SCNN1A: variants seen among roughly 807,000 people sequenced by gnomAD.
SCNN1A encodes the protein epithelial sodium channel subunit alpha.
SCNN1A carries 65 observed loss-of-function variants against 68.6 expected under a neutral mutation model. That is an observed-to-expected ratio of 0.95 (90% CI 0.78 to 1.16). The LOEUF (loss-of-function observed/expected upper bound fraction) is 1.16, where lower values mean the gene tolerates loss of function less well. SCNN1A is among the 50% of genes most tolerant of loss of function. SCNN1A has a pLI of 0.00. For missense variants in SCNN1A, 880 were observed against 865.9 expected, an observed-to-expected ratio of 1.02 and a Z score of -0.20; for synonymous variants, 357 against 353.3, an observed-to-expected ratio of 1.01 and a Z score of -0.12.
intron 5 of SCNN1A, 79 bp downstream of exon 5, chr12:6,355,698 T>C (rs918075384): frequency 5.1e-5 from 54 of 1,049,796 alleles, no homozygotes; most frequent in Non-Finnish European, 7.5e-5. Context: ...TCCCAGCAGC[T>C]CTAGGAGGTG....
rs371971622 is a variant in SCNN1A, at chr12:6,355,392, G to A, written c.1023C>T (p.Pro341=). ...MLRAEQNDFI[P]LLSTVTGARV... The stretch of plus-strand genomic sequence containing the variant: ...GGGCCCCAGTCACTGTGGACAGCAG[G>A]GGAATGAAGTCATTCTGCTCTGCGC... The change falls in exon 6 of 13, where the codon CCC becomes CCT. Residue 341 remains proline (P), a synonymous_variant. Coordinates refer to ENST00000228916, the MANE Select transcript of SCNN1A (RefSeq NM_001038.6). 2 of 1,613,932 alleles carry A rather than the reference G, an allele frequency of 1.2e-6. No homozygotes were observed. Among genetic ancestry groups the A allele is most frequent in the Admixed American group, 3.3e-5 (2 of 59,978 alleles).
intron 2 of SCNN1A, among the ~76,000 whole-genome samples, chr12:6,373,140 T>C (rs976472641): frequency 6.6e-6 from 1 of 151,804 alleles, no homozygotes; most frequent in African/African-American, 2.4e-5. Context: ...CTTTTTTTTT[T>C]CTCTCTCTCT....
intron 3 of SCNN1A, among the ~76,000 whole-genome samples, chr12:6,363,133 T>C (rs1948608310): frequency 7.2e-6 from 1 of 139,296 alleles, no homozygotes; most frequent in Middle Eastern, 3.9e-3. Context: ...CCAGAAACAG[T>C]AAAACAATAA....
chr12:6,363,144 T>C (rs1427645270), intron 3 of SCNN1A, among the ~76,000 whole-genome samples: 1 of 150,022 alleles, frequency 6.7e-6, no homozygotes, highest in Non-Finnish European at 1.5e-5. Context: ...AAAACAATAA[T>C]AATAATAATA....
At position 6,348,719 on chromosome 12, in the gene SCNN1A, C is replaced by T. The variant is rs540924196; in HGVS notation, c.1629+8G>A. 3.3e-5 allele frequency: 53 copies of T among 1,611,260 alleles called. No individual in the cohort carries two copies. The highest frequency in any genetic ancestry group is 6.7e-5 in the East Asian group (3 of 44,866). On this transcript the variant is annotated splice_region_variant and intron_variant, in intron 12 of 12. Coordinates refer to ENST00000228916, the MANE Select transcript of SCNN1A (RefSeq NM_001038.6). ...GAGCATCACAGGCTCCATCCAGGCA[C>T]GACCTACCGTGACAGAGGGAGACTC... is the stretch of plus-strand genomic sequence containing the variant.
intron 2 of SCNN1A, among the ~76,000 whole-genome samples, chr12:6,367,393 G>A (rs117660359): frequency 0.013 from 1,985 of 152,326 alleles, 14 homozygotes; most frequent in Middle Eastern, 0.024. Flanking sequence ...AAAGAACGAT[G>A]CTCAAATCAG....
At chr12:6,375,575 C>T (rs1280009859), upstream of SCNN1A, 10 of 1,533,966 alleles carry the variant, frequency 6.5e-6, no homozygotes, top group East Asian at 9.8e-5. Flanking sequence ...ACAGGAATCT[C>T]ATTAGCATCT....
intron 2 of SCNN1A, among the ~76,000 whole-genome samples, chr12:6,373,972 C>A (rs558776509): frequency 3.7e-4 from 57 of 152,348 alleles, no homozygotes; most frequent in African/African-American, 1.3e-3. Context: ...ATCAGACTCT[C>A]CTGCTGAGGT....
In SCNN1A at chr12:6,374,419, G is replaced by C; in HGVS notation, c.365C>G (p.Ser122Trp). 1 of 1,614,222 alleles carries C rather than the reference G, an allele frequency of 6.2e-7. No individual in the cohort carries two copies. The change falls in exon 2 of 13, where the codon TCG becomes TGG. Residue 122 changes from serine (S) to tryptophan (W), a missense_variant. Transcript: ENST00000228916. This position sits in a 1 kb window ranked among gnomAD's most constrained non-coding sequence, Gnocchi z 6.2. ...CACTGCGGGGAAGACGAGCTTGTCC[G>C]AGTTGAGGTTGATGTTGAGGCTGAC... ...YPVSLNINLN[S>W]DKLVFPAVTI...
chr12:6,359,280 A>T (rs903223622), intron 4 of SCNN1A, among the ~76,000 whole-genome samples: 2 of 152,228 alleles, frequency 1.3e-5, no homozygotes, highest in South Asian at 4.1e-4. Context: ...TATTAAAAAA[A>T]GATTATAGGG....
chr12:6,364,361 A>G (rs1029097257), intron 2 of SCNN1A, among the ~76,000 whole-genome samples: 3 of 152,202 alleles, frequency 2.0e-5, no homozygotes, highest in African/African-American at 4.8e-5. Context: ...GAAAGTCCAG[A>G]GTAGCAGGGC....
In SCNN1A at chr12:6,360,246, C is replaced by T. The variant is rs536111480; in HGVS notation, c.875+1805G>A. Among the ~76,000 whole-genome samples the T allele has an allele frequency of 7.9e-5, 12 of 152,100 alleles. No individual in the cohort carries two copies. In the South Asian group the frequency reaches 1.0e-3, roughly 13 times the overall value. ...GGAGTGGTGGGTATAACAACCCAGGCGAGCAATGAGGCTCTGAGCTGACCT... is the reference window on the plus strand; with the variant it reads ...GGAGTGGTGGGTATAACAACCCAGGTGAGCAATGAGGCTCTGAGCTGACCT... On this transcript the variant is annotated intron_variant, in intron 4 of 12. Coordinates refer to ENST00000228916, the MANE Select transcript of SCNN1A (RefSeq NM_001038.6).
intron 5 of SCNN1A, 24 bp downstream of exon 5, chr12:6,355,753 T>A (rs62620002): frequency 1.3e-6 from 2 of 1,513,626 alleles, no homozygotes; most frequent in Non-Finnish European, 1.8e-6. Context: ...GAGGGCGCCA[T>A]GGAGCAAGCA....
At chr12:6,368,904 G>T (rs1034052909) in intron 2 of SCNN1A, among the ~76,000 whole-genome samples, 1 of 152,184 alleles carries the variant, frequency 6.6e-6, no homozygotes, top group Non-Finnish European at 1.5e-5. Context: ...CACTAGATCT[G>T]CCTACCGCAT....
At chr12:6,376,262 A>C, upstream of SCNN1A, 1 of 876,526 alleles carries the variant, frequency 1.1e-6, no homozygotes, top group Non-Finnish European at 1.4e-6. Flanking sequence ...CACCCCCTCC[A>C]ACCTTGTCCA....
At position 6,347,323 on chromosome 12, in the gene SCNN1A, C is replaced by T; in HGVS notation, c.*550G>A. 1 of 165,782 alleles carries T rather than the reference C, an allele frequency of 6.0e-6. No individual in the cohort carries two copies. Among genetic ancestry groups the T allele is most frequent in the South Asian group, 1.5e-4 (1 of 6,804 alleles). 10.3% of individuals were successfully genotyped at this position (165,782 alleles called of 1,614,324 possible). Reference sequence around the variant, plus strand: ...TTACTTACCCGGGTCTGCTCTAGCCCTAGCCCTCGGGAGTCAGGGAAGGGG... The same window carrying T: ...TTACTTACCCGGGTCTGCTCTAGCCTTAGCCCTCGGGAGTCAGGGAAGGGG... On this transcript the variant is annotated 3_prime_UTR_variant, in exon 13 of 13. Transcript: ENST00000228916.
In SCNN1A at chr12:6,347,354, C is replaced by T. The variant is rs1172129560; in HGVS notation, c.*519G>A. The T allele has an allele frequency of 6.0e-6, 1 of 167,010 alleles. No homozygotes were observed. Among genetic ancestry groups the T allele is most frequent in the Admixed American group, 5.6e-5 (1 of 17,882 alleles). The allele number at this position is 167,010 out of a possible 1,614,324, so 10.3% of individuals were successfully genotyped here. On this transcript the variant is annotated 3_prime_UTR_variant, in exon 13 of 13. Transcript: ENST00000228916. ...CTCGGGAGTCAGGGAAGGGGAATTG[C>T]CTAAGTAACAAAGGGGGCTTTTGGG...
Position 6,363,647 on chromosome 12 carries a change from G to C in SCNN1A, c.480C>G (p.Asp160Glu), listed in dbSNP as rs757265424. The C allele has an allele frequency of 4.4e-5, 71 of 1,611,918 alleles. No individual in the cohort carries two copies. Among genetic ancestry groups the C allele is most frequent in the Non-Finnish European group, 5.8e-5 (68 of 1,178,956 alleles). Residue 160 changes from aspartate (D) to glutamate (E), a missense_variant, in exon 3 of 13, where the codon GAC becomes GAG. Asp to Glu is a conservative substitution (Grantham distance 45). Transcript: ENST00000228916. Reference sequence around the variant, plus strand: ...TGGTGAAGGAGCTGTATTTGTACAGGTCAAAGAGCGTCTGCTCTGTGATGC... The same window carrying C: ...TGGTGAAGGAGCTGTATTTGTACAGCTCAAAGAGCGTCTGCTCTGTGATGC... The part of the protein sequence containing the change: ...LDRITEQTLF[D>E]LYKYSSFTTL...
chr12:6,371,803 T>C (rs4764587), intron 2 of SCNN1A, among the ~76,000 whole-genome samples: 93,448 of 151,926 alleles, frequency 0.62, 28,895 homozygotes, highest in Middle Eastern at 0.75. Flanking sequence ...AACATTATTA[T>C]TGTTTTTTTT....
Sources: gnomAD v4.1 joint callset for allele counts (sites outside exome capture counted in the v4.1 genomes callset) on GRCh38, gnomAD v4.1.1 for gene constraint, Gnocchi (gnomAD v3.1) non-coding constraint, MANE v1.5 for transcripts, NCBI Gene and HGNC (gene_info 2026-07-23, HGNC 2026-07-21) for gene names.